NSUN4: variants seen among roughly 807,000 people sequenced by gnomAD.
NSUN4 encodes the protein NOP2/Sun RNA methyltransferase 4, also known as 5-cytosine rRNA methyltransferase NSUN4.
Under a neutral mutation model 43.8 loss-of-function variants are expected in NSUN4, and 31 were observed. The observed-to-expected ratio is 0.71, with a 90% confidence interval of 0.53 to 0.96. NSUN4 has a LOEUF of 0.96. NSUN4 is among the 40% of genes least tolerant of loss of function. The pLI, the probability that NSUN4 is intolerant of heterozygous loss-of-function variation, is 0.00. For synonymous variants in NSUN4, 167 were observed against 184.1 expected, an observed-to-expected ratio of 0.91 and a Z score of 0.75; for missense variants, 439 against 475.6, an observed-to-expected ratio of 0.92 and a Z score of 0.72.
the NSUN4 span, among the ~76,000 whole-genome samples, chr1:46,381,832 G>C: frequency 6.6e-6 from 1 of 152,286 alleles, no homozygotes; most frequent in South Asian, 2.1e-4. Flanking sequence ...TCAGATTGCT[G>C]TTTCTGTCAT....
chr1:46,346,906 T>G lies in NSUN4; in HGVS notation c.438-15T>G. On this transcript the variant is annotated splice_polypyrimidine_tract_variant and intron_variant, in intron 2 of 5. Transcript: ENST00000474844. ...GACCTGGAATTTAACAATAAAGTGGTCTCCTCTTTTCCAGACCTGGCAGCC... is the reference window on the plus strand; with the variant it reads ...GACCTGGAATTTAACAATAAAGTGGGCTCCTCTTTTCCAGACCTGGCAGCC... 1.2e-6 allele frequency: 2 copies of G among 1,608,794 alleles called. No individual in the cohort carries two copies. Among genetic ancestry groups the G allele is most frequent in the Non-Finnish European group, 1.7e-6 (2 of 1,177,240 alleles).
downstream of NSUN4, among the ~76,000 whole-genome samples, chr1:46,367,598 T>G (rs1664164235): frequency 6.6e-6 from 1 of 152,128 alleles, no homozygotes; most frequent in Admixed American, 6.5e-5. Context: ...GCTAGTGGTG[T>G]TAGACAGCAA....
chr1:46,358,087 GTATTTATT>G (rs3063973), intron 4 of NSUN4, among the ~76,000 whole-genome samples: 1 of 151,554 alleles, frequency 6.6e-6, no homozygotes, highest in African/African-American at 2.4e-5. Context: ...GCTAATTTTT[GTATTTATT>G]TATTTATTTA....
chr1:46,345,422 G>A, intron 2 of NSUN4: 1 of 373,608 alleles, frequency 2.7e-6, no homozygotes, highest in Non-Finnish European at 4.9e-6. Flanking sequence ...TCCCTCAGAT[G>A]GTAAGTGGTG....
At chr1:46,377,565 A>T in the NSUN4 span, among the ~76,000 whole-genome samples, 1 of 152,246 alleles carries the variant, frequency 6.6e-6, no homozygotes, top group Non-Finnish European at 1.5e-5. Context: ...AGAAGAGCTT[A>T]TGGCAGACAA....
At chr1:46,384,451 C>T in the NSUN4 span, among the ~76,000 whole-genome samples, 1 of 152,036 alleles carries the variant, frequency 6.6e-6, no homozygotes, top group Non-Finnish European at 1.5e-5. Context: ...GACACAGCAC[C>T]TGATAAGAAT....
rs1334279250 is a variant in NSUN4, at chr1:46,362,376, C to T, written c.*530C>T. 6.5e-6 allele frequency: 1 copy of T among 153,860 alleles called. No homozygotes were observed. 9.5% of individuals were successfully genotyped at this position (153,860 alleles called of 1,614,324 possible). A position where few individuals can be genotyped will look rare whatever the true frequency, so the allele number is the denominator to read the frequency against. On this transcript the variant is annotated 3_prime_UTR_variant, in exon 6 of 6. Transcript: ENST00000474844. ...ATGGCTCATGATCTAATTTAAGGAACAAGTAACTAAAAATGTTAAGCCAGT... is the reference window on the plus strand; with the variant it reads ...ATGGCTCATGATCTAATTTAAGGAATAAGTAACTAAAAATGTTAAGCCAGT...
the NSUN4 span, among the ~76,000 whole-genome samples, chr1:46,370,368 CATT>C: frequency 2.0e-5 from 3 of 152,162 alleles, no homozygotes; most frequent in African/African-American, 7.2e-5. Flanking sequence ...AACCATGAAT[CATT>C]AGTGGTCATG....
intron 4 of NSUN4, among the ~76,000 whole-genome samples, chr1:46,359,532 T>C (rs1042632793): frequency 1.5e-4 from 22 of 149,870 alleles, no homozygotes; most frequent in African/African-American, 4.9e-4. Context: ...ACAAGAGCGC[T>C]GCCACCACGC....
At chr1:46,374,289 CA>C in the NSUN4 span, among the ~76,000 whole-genome samples, 1,590 of 42,882 alleles carry the variant, frequency 0.037, 14 homozygotes, top group African/African-American at 0.12. Flanking sequence ...TCTGTCTCAC[CA>C]AAAAAAAAAA....
At chr1:46,356,373 G>A (rs900017060) in intron 4 of NSUN4, among the ~76,000 whole-genome samples, 3 of 146,362 alleles carry the variant, frequency 2.0e-5, no homozygotes, top group Non-Finnish European at 4.5e-5. Flanking sequence ...GCCCAGCCGT[G>A]TTAAGCACTT....
At chr1:46,369,222 G>A (rs1664199694), downstream of NSUN4, among the ~76,000 whole-genome samples, 1 of 152,104 alleles carries the variant, frequency 6.6e-6, no homozygotes, top group Non-Finnish European at 1.5e-5. Context: ...CACTTTCCAT[G>A]GCCACTTTTT....
At chr1:46,378,235 C>T in the NSUN4 span, among the ~76,000 whole-genome samples, 1,527 of 144,998 alleles carry the variant, frequency 0.011, 30 homozygotes, top group African/African-American at 0.037. Context: ...GAGTTTCTCT[C>T]TGTTCAGGCT....
At chr1:46,361,502 C>A in intron 5 of NSUN4, 68 bp from the exon 6 acceptor site, 1 of 1,441,382 alleles carries the variant, frequency 6.9e-7, no homozygotes, top group Non-Finnish European at 9.6e-7. Context: ...ATGTTTCCAG[C>A]TCCTTATGTT....
rs1371521144 is a variant in NSUN4 at position 46,341,546 on chromosome 1, CCCTTTTTCTTG to C, written c.93+631_93+641del. 9 of 1,128,782 alleles carry C rather than the reference CCCTTTTTCTTG, an allele frequency of 8.0e-6. No individual in the cohort carries two copies. The East Asian group carries it at 3.7e-4, about 47-fold the overall frequency. 69.9% of individuals were successfully genotyped at this position (1,128,782 alleles called of 1,614,324 possible). On this transcript the variant is annotated intron_variant, in intron 1 of 5. Coordinates refer to ENST00000474844, the MANE Select transcript of NSUN4 (RefSeq NM_199044.4). ...TGGACTCTCCTTGCTTCTCCAGAGA[CCCTTTTTCTTG>C]CCTCACTGGAAGCCCTGGAATTTCT... is the stretch of plus-strand genomic sequence containing the variant.
the NSUN4 span, among the ~76,000 whole-genome samples, chr1:46,382,859 C>G: frequency 1.3e-5 from 2 of 152,164 alleles, no homozygotes; most frequent in South Asian, 2.1e-4. Flanking sequence ...ACCTCGGCCT[C>G]CAAAAGTAAT....
chr1:46,341,111 C>T, intron 1 of NSUN4, 192 bp downstream of exon 1: 2 of 1,257,438 alleles, frequency 1.6e-6, no homozygotes, highest in Non-Finnish European at 2.1e-6. Context: ...TAGTGTCTTC[C>T]ACTTGTTACG....
At chr1:46,355,970 C>T (rs975705400) in intron 4 of NSUN4, among the ~76,000 whole-genome samples, 4 of 151,262 alleles carry the variant, frequency 2.6e-5, no homozygotes, top group Admixed American at 6.6e-5. Context: ...GCTGAGATCG[C>T]GCCATTGCAT....
At chr1:46,383,874 G>T in the NSUN4 span, among the ~76,000 whole-genome samples, 1 of 152,328 alleles carries the variant, frequency 6.6e-6, no homozygotes. Flanking sequence ...TGCCCTCACA[G>T]ATGGAGCAAT....
Sources: allele counts gnomAD v4.1 joint callset (sites outside exome capture counted in the v4.1 genomes callset), GRCh38; gene constraint gnomAD v4.1.1; transcripts MANE v1.5; gene names NCBI Gene and HGNC (gene_info 2026-07-23, HGNC 2026-07-21).